Variants in ATG4C observed in about 807,000 individuals in gnomAD.
The protein encoded by ATG4C is autophagy related 4C cysteine peptidase.
Under a neutral mutation model 57.6 loss-of-function variants are expected in ATG4C, and 56 were observed. The observed-to-expected ratio is 0.97, with a 90% CI of 0.78 to 1.21. ATG4C has a LOEUF of 1.21. Among genes scored for constraint, ATG4C ranks in the 50% most tolerant of loss-of-function variants. ATG4C has a pLI of 0.00. For missense variants in ATG4C, 595 were observed against 529.8 expected, an observed-to-expected ratio of 1.12 and a Z score of -1.21; for synonymous variants, 157 against 174.1, an observed-to-expected ratio of 0.90 and a Z score of 0.78.
intron 1 of ATG4C, among the ~76,000 whole-genome samples, chr1:62,792,802 T>C (rs1664323026): frequency 6.6e-6 from 1 of 152,140 alleles, no homozygotes; most frequent in African/African-American, 2.4e-5. Context: ...GAGATCTTTT[T>C]ACTGTATAGG....
intron 7 of ATG4C, among the ~76,000 whole-genome samples, chr1:62,830,578 G>A (rs1665810461): frequency 1.3e-5 from 2 of 152,122 alleles, no homozygotes; most frequent in African/African-American, 4.8e-5. Context: ...TAATGCTCTT[G>A]AGTGATTCAT....
intron 10 of ATG4C, among the ~76,000 whole-genome samples, chr1:62,859,782 G>A (rs575058893): frequency 9.9e-5 from 15 of 151,422 alleles, no homozygotes; most frequent in South Asian, 2.1e-4. Context: ...TGCAACCTCC[G>A]CCTCCCAGGT....
intron 10 of ATG4C, among the ~76,000 whole-genome samples, chr1:62,852,657 G>A (rs532173886): frequency 6.6e-6 from 1 of 151,732 alleles, no homozygotes; most frequent in Non-Finnish European, 1.5e-5. Flanking sequence ...CACATAATGT[G>A]CTATGATTAC....
At position 62,861,787 on chromosome 1, in the gene ATG4C, C is replaced by T. The variant is rs183947678; in HGVS notation, c.1210-2205C>T. On this transcript the variant is annotated intron_variant, in intron 10 of 10. Transcript: ENST00000317868. Reference sequence around the variant, plus strand: ...TCTTTTTTAAGGATTATGTAATAAACATTTTCCAAGTTATCAAATAATTTA... The same window carrying T: ...TCTTTTTTAAGGATTATGTAATAAATATTTTCCAAGTTATCAAATAATTTA... 1.8e-4 allele frequency among the ~76,000 whole-genome samples: 28 copies of T among 152,116 alleles called. No homozygotes were observed. The East Asian group carries it at 4.6e-3, about 25-fold the overall frequency.
intron 2 of ATG4C, 36 bp from the exon 3 acceptor site, chr1:62,805,136 C>T (rs1279894833): frequency 6.7e-7 from 1 of 1,496,434 alleles, no homozygotes; most frequent in Non-Finnish European, 8.8e-7. Context: ...CTTTTAATTA[C>T]AAAACGTTTT....
In ATG4C at chr1:62,841,351, G is replaced by GA. The variant is rs944410264; in HGVS notation, c.1090-73dup. Reference sequence around the variant, plus strand: ...TATAGTGATGGGAAAAAGCTAGATAGAAAATTTTAAATAATAGTTTTATAT... The same window carrying GA: ...TATAGTGATGGGAAAAAGCTAGATAGAAAAATTTTAAATAATAGTTTTATAT... On this transcript the variant is annotated intron_variant, in intron 9 of 10. Transcript: ENST00000317868. The GA allele has an allele frequency of 1.2e-4, 159 of 1,282,902 alleles. 2 individuals carry two copies. In the African/African-American group the frequency reaches 2.1e-3, roughly 17 times the overall value. The allele number at this position is 1,282,902 out of a possible 1,614,324, so 79.5% of individuals were successfully genotyped here.
chr1:62,806,695 C>A (rs143598765), intron 3 of ATG4C, among the ~76,000 whole-genome samples: 1 of 152,070 alleles, frequency 6.6e-6, no homozygotes, highest in Non-Finnish European at 1.5e-5. Flanking sequence ...GAAAGGCAGC[C>A]GGAGGCTGTA....
In ATG4C at chr1:62,798,756, T is replaced by A. The variant is rs569860387; in HGVS notation, c.-68-4963T>A. 2.0e-5 allele frequency among the ~76,000 whole-genome samples: 3 copies of A among 152,218 alleles called. No homozygotes were observed. The East Asian group carries it at 5.8e-4, about 29-fold the overall frequency. The stretch of plus-strand genomic sequence containing the variant: ...GCCTCGCAGGTTCAAGTGATTCTCC[T>A]GCCTCAGCCTCCTGAGTAGCTGGGA... On this transcript the variant is annotated intron_variant, in intron 1 of 10. Transcript: ENST00000317868.
At position 62,816,555 on chromosome 1, in the gene ATG4C, A is replaced by T; in HGVS notation, c.161-20A>T. ...TAGACATTTCTCTGGTTATCTTTAG[A>T]CCGTATGTTTATTTTTTAGATGAAG... On this transcript the variant is annotated intron_variant, in intron 3 of 10. Coordinates refer to ENST00000317868, the MANE Select transcript of ATG4C (RefSeq NM_032852.4). 1 of 1,557,300 alleles carries T rather than the reference A, an allele frequency of 6.4e-7. No individual in the cohort carries two copies. The highest frequency in any genetic ancestry group is 8.8e-7 in the Non-Finnish European group (1 of 1,142,026).
At position 62,805,087 on chromosome 1, in the gene ATG4C, TAAATA is replaced by T. The variant is rs1346001366; in HGVS notation, c.77-81_77-77del. ...TAAATAATAATTGATGGTTTGAAAT[TAAATA>T]AAAGAAAACGCTGCTAGACTTTTAG... is the stretch of plus-strand genomic sequence containing the variant. On this transcript the variant is annotated intron_variant, in intron 2 of 10. Transcript: ENST00000317868. 1.2e-5 allele frequency: 17 copies of T among 1,426,312 alleles called. No individual in the cohort carries two copies. The East Asian group carries it at 3.2e-4, about 26-fold the overall frequency. The allele number at this position is 1,426,312 out of a possible 1,614,324, so 88.4% of individuals were successfully genotyped here. A position where few individuals can be genotyped will look rare whatever the true frequency, so the allele number is the denominator to read the frequency against.
In ATG4C at chr1:62,862,363, T is replaced by C. The variant is rs563291107; in HGVS notation, c.1210-1629T>C. ...AATCTTGAAAGAAAGGATGAAGAGATGATAATGTTAACTCTGCTGTGTTGA... is the reference window on the plus strand; with the variant it reads ...AATCTTGAAAGAAAGGATGAAGAGACGATAATGTTAACTCTGCTGTGTTGA... On this transcript the variant is annotated intron_variant, in intron 10 of 10. Coordinates refer to ENST00000317868, the MANE Select transcript of ATG4C (RefSeq NM_032852.4). Among the ~76,000 whole-genome samples, 6 of 152,236 alleles carry C rather than the reference T, an allele frequency of 3.9e-5. No homozygotes were observed. The East Asian group carries it at 1.2e-3, about 29-fold the overall frequency.
intron 1 of ATG4C, among the ~76,000 whole-genome samples, chr1:62,797,276 C>CT (rs138009439): frequency 0.038 from 5,847 of 152,018 alleles, 386 homozygotes; most frequent in African/African-American, 0.13. Flanking sequence ...CCCTCGATAT[C>CT]TTTTTATAGT....
At chr1:62,833,128 G>A (rs904772547) in intron 7 of ATG4C, among the ~76,000 whole-genome samples, 9 of 152,044 alleles carry the variant, frequency 5.9e-5, no homozygotes, top group Non-Finnish European at 1.3e-4. Context: ...GAAAAAGAAC[G>A]TTTGTCCATA....
chr1:62,836,586 A>G (rs942048147), intron 9 of ATG4C, among the ~76,000 whole-genome samples: 2 of 152,106 alleles, frequency 1.3e-5, no homozygotes, highest in African/African-American at 2.4e-5. Context: ...TAATACACCA[A>G]TTGAAGGTGT....
At chr1:62,821,534 T>C (rs574518618) in intron 6 of ATG4C, among the ~76,000 whole-genome samples, 139 of 152,234 alleles carry the variant, frequency 9.1e-4, no homozygotes, top group African/African-American at 2.8e-3. Flanking sequence ...TGGACGTGTT[T>C]CAAGGAAAGA....
intron 10 of ATG4C, among the ~76,000 whole-genome samples, chr1:62,850,828 T>C (rs1254276048): frequency 1.4e-5 from 2 of 143,570 alleles, no homozygotes; most frequent in East Asian, 2.0e-4. Context: ...TTCTGCTGTA[T>C]CATGTATGTA....
At chr1:62,821,275 A>T in intron 6 of ATG4C, 66 bp downstream of exon 6, 1 of 1,057,218 alleles carries the variant, frequency 9.5e-7, no homozygotes, top group Non-Finnish European at 1.3e-6. Context: ...TGTTTAGCTT[A>T]TCCCAGTAAT....
At chr1:62,835,215 A>T (rs928260586) in intron 9 of ATG4C, among the ~76,000 whole-genome samples, 2 of 151,410 alleles carry the variant, frequency 1.3e-5, no homozygotes, top group African/African-American at 4.8e-5. Context: ...ATAGAAAGGG[A>T]TAGACGGGTT....
chr1:62,836,031 A>G (rs1249485936), intron 9 of ATG4C, among the ~76,000 whole-genome samples: 1 of 152,118 alleles, frequency 6.6e-6, no homozygotes, highest in Non-Finnish European at 1.5e-5. Flanking sequence ...GTATTACCTA[A>G]ATAAGCAAAT....
Sources: gnomAD v4.1 joint callset for allele counts (sites outside exome capture counted in the v4.1 genomes callset) on GRCh38, gnomAD v4.1.1 for gene constraint, MANE v1.5 for transcripts, NCBI Gene and HGNC (gene_info 2026-07-23, HGNC 2026-07-21) for gene names.